The following ICA1 variants were observed in gnomAD, a reference collection of about 807,000 sequenced individuals.
The protein encoded by ICA1 is 69 kDa islet cell autoantigen.
In ICA1, 40 loss-of-function variants were observed where a neutral mutation model predicts 71.0. That is an observed-to-expected ratio of 0.56 (90% CI 0.44 to 0.73). The LOEUF is 0.73. Among genes scored for constraint, ICA1 ranks in the 30% least tolerant of loss-of-function variants. ICA1 has a pLI of 0.00. For synonymous variants in ICA1, 207 were observed against 209.5 expected (o/e 0.99, Z 0.10); for missense variants, 578 against 576.5 (o/e 1.00, Z -0.03).
intron 6 of ICA1, among the ~76,000 whole-genome samples, chr7:8,189,308 G>A (rs532242048): frequency 6.6e-6 from 1 of 152,284 alleles, no homozygotes; most frequent in South Asian, 2.1e-4. Flanking sequence ...CTAGAAGGAG[G>A]CTTATAACTC....
At chr7:8,126,289 C>G in intron 13 of ICA1, among the ~76,000 whole-genome samples, 1 of 152,164 alleles carries the variant, frequency 6.6e-6, no homozygotes, top group Non-Finnish European at 1.5e-5. Flanking sequence ...TGGGCTCTGC[C>G]TCGACTCTCT....
chr7:8,240,761 C>G (rs542314014), intron 1 of ICA1, among the ~76,000 whole-genome samples: 23 of 152,102 alleles, frequency 1.5e-4, no homozygotes, highest in Admixed American at 7.9e-4. Context: ...AACTACGTGA[C>G]GCATTTACAA....
chr7:8,120,749 C>T (rs931821576), intron 13 of ICA1, among the ~76,000 whole-genome samples: 4 of 152,354 alleles, frequency 2.6e-5, no homozygotes, highest in Admixed American at 6.5e-5. Context: ...AGCAAACTGC[C>T]CCCCGTTACT....
At chr7:8,196,367 A>G (rs1473183777) in intron 6 of ICA1, among the ~76,000 whole-genome samples, 1 of 152,240 alleles carries the variant, frequency 6.6e-6, no homozygotes, top group Non-Finnish European at 1.5e-5. Context: ...AGAAGGATGA[A>G]TAGGTGAAGC....
At chr7:8,199,971 A>G (rs1036760763) in intron 6 of ICA1, among the ~76,000 whole-genome samples, 3 of 152,124 alleles carry the variant, frequency 2.0e-5, no homozygotes, top group Non-Finnish European at 4.4e-5. Context: ...AAATAGAAAA[A>G]ATGAGTAAGA....
chr7:8,217,589 A>C (rs560691715), intron 6 of ICA1, among the ~76,000 whole-genome samples: 54 of 152,320 alleles, frequency 3.5e-4, no homozygotes, highest in Non-Finnish European at 6.3e-4. Context: ...CAGGCGACCA[A>C]ACAAAGAACT....
intron 2 of ICA1, among the ~76,000 whole-genome samples, chr7:8,233,035 AC>A (rs59288589): frequency 0.39 from 58,797 of 151,998 alleles, 11,650 homozygotes; most frequent in African/African-American, 0.44. Context: ...GACTAAGCAC[AC>A]CCCTTTTAGA....
At chr7:8,178,327 T>C (rs1781209766) in intron 6 of ICA1, among the ~76,000 whole-genome samples, 2 of 152,188 alleles carry the variant, frequency 1.3e-5, no homozygotes, top group African/African-American at 4.8e-5. Flanking sequence ...ATACCTCTAT[T>C]ACCTCACAAG....
At chr7:8,218,863 T>G (rs1381582303) in intron 5 of ICA1, 2 of 353,776 alleles carry the variant, frequency 5.7e-6, no homozygotes, top group East Asian at 1.4e-4. Flanking sequence ...TTTCTACATT[T>G]GGCCCTTTGA....
intron 8 of ICA1, among the ~76,000 whole-genome samples, chr7:8,147,159 CCT>C (rs1202072902): frequency 1.3e-5 from 2 of 152,140 alleles, no homozygotes. Context: ...TGCCTAAACC[CCT>C]GACATGCCCT....
chr7:8,227,888 C>A, intron 4 of ICA1: 1 of 441,922 alleles, frequency 2.3e-6, no homozygotes, highest in Non-Finnish European at 4.6e-6. Context: ...ACCCAGCCTA[C>A]CAAAATGATT....
At chr7:8,143,742 T>C in intron 9 of ICA1, 133 bp downstream of exon 9, 1 of 621,868 alleles carries the variant, frequency 1.6e-6, no homozygotes, top group East Asian at 2.7e-5. Flanking sequence ...GCTGGGATGC[T>C]AATACATCTA....
chr7:8,150,130 G>C (rs1240291521), intron 8 of ICA1, among the ~76,000 whole-genome samples: 1 of 152,142 alleles, frequency 6.6e-6, no homozygotes, highest in South Asian at 2.1e-4. Context: ...AATTGATAAT[G>C]ACAAGGCACC....
At chr7:8,258,956 G>A (rs1332751447) in intron 1 of ICA1, among the ~76,000 whole-genome samples, 1 of 152,156 alleles carries the variant, frequency 6.6e-6, no homozygotes, top group African/African-American at 2.4e-5. Context: ...TAAGATCATA[G>A]TTGCCAAAGT....
chr7:8,231,221 T>C (rs1216179704), intron 3 of ICA1, among the ~76,000 whole-genome samples: 3 of 151,974 alleles, frequency 2.0e-5, no homozygotes, highest in East Asian at 3.9e-4. Context: ...GGGTGTGAAC[T>C]TGGCTGGTTG....
chr7:8,120,390 G>A (rs907817820), intron 13 of ICA1, among the ~76,000 whole-genome samples: 2 of 152,216 alleles, frequency 1.3e-5, no homozygotes, highest in African/African-American at 4.8e-5. Flanking sequence ...TTATTTAGGG[G>A]AAGGGTGCAA....
chr7:8,147,177 G>C (rs954036898), intron 8 of ICA1, among the ~76,000 whole-genome samples: 2 of 152,054 alleles, frequency 1.3e-5, no homozygotes, highest in African/African-American at 2.4e-5. Flanking sequence ...GCCCTTGACA[G>C]CTCCACGGTT....
In ICA1 at chr7:8,144,704, G is replaced by C. The variant is rs1274462664; in HGVS notation, c.805-732C>G. On this transcript the variant is annotated intron_variant, in intron 8 of 13. Coordinates refer to ENST00000402384, the MANE Select transcript of ICA1 (RefSeq NM_001136020.3). This position sits in a 1 kb window ranked among gnomAD's most constrained non-coding sequence, Gnocchi z 4.5. ...AGTGACAATGATCCTGAAAGAAAAA[G>C]CAAAACATTTCTAGAACTGAATAAT... is the stretch of plus-strand genomic sequence containing the variant. Among the ~76,000 whole-genome samples, 1 of 151,848 alleles carries C rather than the reference G, an allele frequency of 6.6e-6. No individual in the cohort carries two copies. The highest frequency in any genetic ancestry group is 2.4e-5 in the African/African-American group (1 of 41,352).
chr7:8,202,874 G>GCACA (rs55898404), intron 6 of ICA1, among the ~76,000 whole-genome samples: 2 of 149,884 alleles, frequency 1.3e-5, no homozygotes, highest in African/African-American at 2.5e-5. Context: ...CACACCGCAC[G>GCACA]AATGGGGGAA....
Sources: gnomAD v4.1 joint callset for allele counts (sites outside exome capture counted in the v4.1 genomes callset) on GRCh38, gnomAD v4.1.1 for gene constraint, Gnocchi (gnomAD v3.1) non-coding constraint, MANE v1.5 for transcripts, NCBI Gene and HGNC (gene_info 2026-07-23, HGNC 2026-07-21) for gene names.